Variants in PAK1 observed in about 807,000 individuals in gnomAD.
PAK1 encodes p21 (RAC1) activated kinase 1, also known as serine/threonine-protein kinase PAK 1.
PAK1 carries 29 observed loss-of-function variants against 67.4 expected under a neutral mutation model. The observed-to-expected ratio is 0.43, with a 90% CI of 0.32 to 0.59. The LOEUF is 0.59. Ranked by LOEUF, PAK1 falls within the 20% of genes least tolerant of loss-of-function variation. The pLI is 0.07. For missense variants in PAK1, 337 were observed against 670.7 expected (o/e 0.50, Z 5.50); for synonymous variants, 223 against 237.4 (o/e 0.94, Z 0.56).
the PAK1 span, among the ~76,000 whole-genome samples, chr11:77,489,836 A>C: frequency 6.6e-6 from 1 of 152,066 alleles, no homozygotes; most frequent in African/African-American, 2.4e-5. Flanking sequence ...TGGCCTCCCA[A>C]AGTGCCGAGA....
chr11:77,337,175 A>C, intron 12 of PAK1, 149 bp downstream of exon 12: 1 of 491,536 alleles, frequency 2.0e-6, no homozygotes, highest in East Asian at 3.1e-5. Flanking sequence ...CCTATGATTA[A>C]TACAGAAAAT....
the PAK1 span, among the ~76,000 whole-genome samples, chr11:77,490,218 A>G: frequency 6.9e-6 from 1 of 144,378 alleles, no homozygotes; most frequent in East Asian, 2.1e-4. Flanking sequence ...CCGCCCAGCA[A>G]CCACACTGTC....
intron 1 of PAK1, among the ~76,000 whole-genome samples, chr11:77,459,798 T>C (rs1310218368): frequency 7.1e-6 from 1 of 141,224 alleles, no homozygotes; most frequent in Non-Finnish European, 1.6e-5. Flanking sequence ...GTTCACGCCA[T>C]TCTCCTGCCT....
the PAK1 span, among the ~76,000 whole-genome samples, chr11:77,491,929 G>A: frequency 1.3e-5 from 2 of 152,192 alleles, no homozygotes; most frequent in Non-Finnish European, 2.9e-5. Flanking sequence ...CCAATCATCT[G>A]TTGTCTACAA....
At chr11:77,408,355 C>A (rs899612736) in intron 1 of PAK1, 1 of 152,108 alleles carries the variant, frequency 6.6e-6, no homozygotes, top group Admixed American at 6.5e-5. Context: ...TACATACACA[C>A]ACATACACAC....
chr11:77,331,519 G>A (rs1383744596), intron 14 of PAK1, among the ~76,000 whole-genome samples: 1 of 152,104 alleles, frequency 6.6e-6, no homozygotes, highest in Non-Finnish European at 1.5e-5. Flanking sequence ...ATCATTCTCA[G>A]CAAACTATTG....
At chr11:77,367,830 A>G (rs1252328038) in intron 5 of PAK1, among the ~76,000 whole-genome samples, 6 of 152,188 alleles carry the variant, frequency 3.9e-5, no homozygotes, top group Non-Finnish European at 1.5e-5. Flanking sequence ...ACAAAAAAAA[A>G]TTAGCCTGGC....
rs577532663 is a variant in PAK1 at position 77,468,917 on chromosome 11, G to A, written c.-22+4635C>T. 4.6e-5 allele frequency among the ~76,000 whole-genome samples: 7 copies of A among 152,230 alleles called. No individual in the cohort carries two copies. In the South Asian group the frequency reaches 1.4e-3, roughly 32 times the overall value. ...AATATGATCCTCAGCCTGCTAACTC[G>A]TAAAATGGGAATACCTATCTCATAG... On this transcript the variant is annotated intron_variant, in intron 1 of 14. Transcript: ENST00000356341.
the PAK1 span, among the ~76,000 whole-genome samples, chr11:77,506,791 A>G: frequency 6.6e-6 from 1 of 152,202 alleles, no homozygotes; most frequent in African/African-American, 2.4e-5. Context: ...GATAACTCCC[A>G]GGTTTCTGAG....
At chr11:77,433,956 C>T (rs11237184) in intron 1 of PAK1, among the ~76,000 whole-genome samples, 6,335 of 151,984 alleles carry the variant, frequency 0.042, 462 homozygotes, top group African/African-American at 0.15. Context: ...CATTTCACAC[C>T]CACTAAGATG....
At chr11:77,330,031 A>G (rs1287564348) in intron 14 of PAK1, among the ~76,000 whole-genome samples, 1 of 152,110 alleles carries the variant, frequency 6.6e-6, no homozygotes, top group African/African-American at 2.4e-5. Context: ...ACTCCCATTC[A>G]CAATTGCTTC....
intron 5 of PAK1, among the ~76,000 whole-genome samples, chr11:77,363,058 A>C (rs944258322): frequency 6.6e-6 from 1 of 152,118 alleles, no homozygotes; most frequent in Non-Finnish European, 1.5e-5. Context: ...CCAGTTAAAA[A>C]CCACCTTGGG....
the PAK1 span, among the ~76,000 whole-genome samples, chr11:77,494,136 CA>C: frequency 6.6e-6 from 1 of 152,034 alleles, no homozygotes; most frequent in East Asian, 1.9e-4. Flanking sequence ...GTCTATCCTA[CA>C]AAGAAAAAAA....
intron 1 of PAK1, among the ~76,000 whole-genome samples, chr11:77,440,045 G>A (rs749805985): frequency 2.6e-5 from 4 of 152,212 alleles, no homozygotes; most frequent in African/African-American, 7.2e-5. Context: ...CTTAATCCCC[G>A]GTGCCTCCAC....
At chr11:77,485,537 G>A in the PAK1 span, among the ~76,000 whole-genome samples, 5 of 152,082 alleles carry the variant, frequency 3.3e-5, no homozygotes, top group East Asian at 1.9e-4. Context: ...GTGCAATGGC[G>A]CAATCTCAGC....
chr11:77,487,316 A>G, the PAK1 span, among the ~76,000 whole-genome samples: 7 of 152,202 alleles, frequency 4.6e-5, no homozygotes, highest in South Asian at 1.5e-3. Flanking sequence ...GCCAGGTGGT[A>G]CTCACCATGG....
At chr11:77,414,332 A>C (rs1012517146) in intron 1 of PAK1, among the ~76,000 whole-genome samples, 1 of 152,238 alleles carries the variant, frequency 6.6e-6, no homozygotes, top group African/African-American at 2.4e-5. Context: ...TTTATGGTTT[A>C]GTATGGTGGC....
intron 1 of PAK1, among the ~76,000 whole-genome samples, chr11:77,398,128 A>C (rs1952087671): frequency 6.6e-6 from 1 of 152,160 alleles, no homozygotes; most frequent in Admixed American, 6.5e-5. Flanking sequence ...ATCCAATTAT[A>C]GTCTTTTAGT....
At chr11:77,493,586 C>G in the PAK1 span, among the ~76,000 whole-genome samples, 1 of 151,044 alleles carries the variant, frequency 6.6e-6, no homozygotes, top group Non-Finnish European at 1.5e-5. Flanking sequence ...AGCCACCATG[C>G]CTGGCCTGCA....
Sources: gnomAD v4.1 joint callset for allele counts (sites outside exome capture counted in the v4.1 genomes callset) on GRCh38, gnomAD v4.1.1 for gene constraint, MANE v1.5 for transcripts, NCBI Gene and HGNC (gene_info 2026-07-23, HGNC 2026-07-21) for gene names.